Variants in ZNF236 observed in about 807,000 individuals in gnomAD.
The protein encoded by ZNF236 is regulated by glucose.
A neutral mutation model predicts 191.2 loss-of-function variants in ZNF236; 50 were observed. The ratio of observed to expected loss-of-function variants is 0.26; its 90% CI spans 0.21 to 0.33. ZNF236 has a LOEUF of 0.33. Ranked by LOEUF, ZNF236 falls within the 10% of genes least tolerant of loss-of-function variation. ZNF236 has a pLI of 1.00. For missense variants in ZNF236, 1,754 were observed against 2,374.5 expected (o/e 0.74, Z 5.43); for synonymous variants, 907 against 928.8 (o/e 0.98, Z 0.43).
chr18:76,917,579 A>G (rs1306991184), intron 19 of ZNF236, among the ~76,000 whole-genome samples: 1 of 152,180 alleles, frequency 6.6e-6, no homozygotes, highest in Non-Finnish European at 1.5e-5. Context: ...GCCCAAACCT[A>G]GAGACTTGGA....
At chr18:76,910,445 G>T (rs955545539) in intron 15 of ZNF236, among the ~76,000 whole-genome samples, 1 of 152,126 alleles carries the variant, frequency 6.6e-6, no homozygotes, top group Non-Finnish European at 1.5e-5. Flanking sequence ...GTGGTGGCTG[G>T]TCCTGTAAAG....
At chr18:76,954,655 GAC>G (rs1000641412) in intron 27 of ZNF236, among the ~76,000 whole-genome samples, 1 of 152,166 alleles carries the variant, frequency 6.6e-6, no homozygotes, top group Non-Finnish European at 1.5e-5. Flanking sequence ...CTCACCTGTA[GAC>G]ACACACCCGA....
At chr18:76,861,709 C>G (rs889279684) in intron 3 of ZNF236, among the ~76,000 whole-genome samples, 1 of 152,138 alleles carries the variant, frequency 6.6e-6, no homozygotes, top group African/African-American at 2.4e-5. Flanking sequence ...AAGGTTCCAG[C>G]CACAGTGGAG....
intron 25 of ZNF236, among the ~76,000 whole-genome samples, chr18:76,930,908 A>G (rs1967828585): frequency 6.6e-6 from 1 of 152,230 alleles, no homozygotes. Context: ...AAATACTGTC[A>G]TTTAGGGAAA....
intron 25 of ZNF236, among the ~76,000 whole-genome samples, chr18:76,933,947 C>T (rs1434495928): frequency 6.6e-6 from 1 of 152,128 alleles, no homozygotes; most frequent in Non-Finnish European, 1.5e-5. Context: ...CTTGAGGCCA[C>T]ACCACTAATA....
chr18:76,877,868 A>G, intron 6 of ZNF236, 141 bp from the exon 7 acceptor site: 1 of 592,554 alleles, frequency 1.7e-6, no homozygotes, highest in Non-Finnish European at 2.7e-6. Context: ...TATCTAATTT[A>G]AAAGAAAAAA....
Position 76,960,878 on chromosome 18 carries a change from T to C in ZNF236, c.5419+23T>C. The C allele has an allele frequency of 1.3e-6, 2 of 1,598,492 alleles. No homozygotes were observed. Among genetic ancestry groups the C allele is most frequent in the Non-Finnish European group, 1.7e-6 (2 of 1,170,244 alleles). Reference sequence around the variant, plus strand: ...CTGGTGAGAATGCTGCACCCGGGAGTGCGTGCTGTTCGGTGGCCTGCGAGG... The same window carrying C: ...CTGGTGAGAATGCTGCACCCGGGAGCGCGTGCTGTTCGGTGGCCTGCGAGG... On this transcript the variant is annotated intron_variant, in intron 30 of 30. Coordinates refer to ENST00000320610, the MANE Select transcript of ZNF236 (RefSeq NM_001306089.2). The surrounding 1 kb of genome is among the most constrained non-coding windows in gnomAD (Gnocchi z 4.4).
intron 1 of ZNF236, among the ~76,000 whole-genome samples, chr18:76,848,302 A>C (rs145699534): frequency 9.8e-4 from 149 of 152,288 alleles, no homozygotes; most frequent in African/African-American, 3.2e-3. Flanking sequence ...CTCTACTCCC[A>C]AGTTTCTGAA....
chr18:76,864,192 A>C (rs1199277855), intron 3 of ZNF236, among the ~76,000 whole-genome samples: 2 of 149,948 alleles, frequency 1.3e-5, no homozygotes, highest in East Asian at 3.9e-4. Context: ...CTTACAACAA[A>C]TATCTTTTTT....
chr18:76,957,339 AGTGG>A (rs1390143395), intron 28 of ZNF236, among the ~76,000 whole-genome samples: 1 of 152,050 alleles, frequency 6.6e-6, no homozygotes, highest in African/African-American at 2.4e-5. Flanking sequence ...ATTGCAGGCC[AGTGG>A]TGTCAGCAGT....
intron 3 of ZNF236, among the ~76,000 whole-genome samples, chr18:76,855,602 T>G (rs1733488336): frequency 6.6e-6 from 1 of 152,262 alleles, no homozygotes; most frequent in African/African-American, 2.4e-5. Context: ...ATGTGTATCA[T>G]AATTAGGAAG....
intron 1 of ZNF236, among the ~76,000 whole-genome samples, chr18:76,826,865 C>G (rs575804194): frequency 2.6e-5 from 4 of 151,140 alleles, no homozygotes; most frequent in Admixed American, 1.3e-4. Flanking sequence ...TTCATGTACA[C>G]TAATTCCTGT....
chr18:76,871,932 T>C (rs961435276), intron 5 of ZNF236, 107 bp downstream of exon 5: 105 of 1,381,696 alleles, frequency 7.6e-5, no homozygotes, highest in Non-Finnish European at 1.0e-4. Flanking sequence ...TCTCATAGTT[T>C]GCTGGATAAT....
chr18:76,927,968 G>A lies in ZNF236; in HGVS notation c.4456G>A (p.Val1486Met). 12 of 1,613,394 alleles carry A rather than the reference G, an allele frequency of 7.4e-6. No individual in the cohort carries two copies. The highest frequency in any genetic ancestry group is 1.0e-5 in the Non-Finnish European group (12 of 1,179,678). ...LTQVMTSQGL[V>M]SPSGGPHEIT... ...TCAAGTGATGACTTCGCAAGGTCTA[G>A]TGTCCCCCTCCGGCGGTCCCCACGA... Residue 1486 changes from valine (V) to methionine (M), a missense_variant, in exon 25 of 31, where the codon GTG (valine) becomes ATG (methionine). Around this residue, in one of 5 missense-constraint regions of ZNF236, gnomAD observed 606 missense variants for 761.5 expected, o/e 0.80. Transcript: ENST00000320610. The surrounding 1 kb of genome is among the most constrained non-coding windows in gnomAD (Gnocchi z 5.4).
chr18:76,829,963 C>T (rs957795083), intron 1 of ZNF236, among the ~76,000 whole-genome samples: 9 of 152,156 alleles, frequency 5.9e-5, no homozygotes, highest in South Asian at 2.1e-4. Flanking sequence ...CTCCGTCTCC[C>T]GGGTTCAAGT....
chr18:76,899,463 G>T (rs758626121), intron 11 of ZNF236, among the ~76,000 whole-genome samples: 35 of 152,232 alleles, frequency 2.3e-4, no homozygotes, highest in Non-Finnish European at 4.1e-4. Flanking sequence ...GACAAATAAT[G>T]TGTAAGTGAA....
chr18:76,878,727 TTAA>T (rs1272664265), intron 7 of ZNF236, among the ~76,000 whole-genome samples: 1 of 152,090 alleles, frequency 6.6e-6, no homozygotes. Flanking sequence ...TCTCAACAGA[TTAA>T]TAAATGGTAA....
At chr18:76,881,660 T>A (rs547424030) in intron 9 of ZNF236, 148 bp downstream of exon 9, 1 of 738,514 alleles carries the variant, frequency 1.4e-6, no homozygotes, top group Non-Finnish European at 2.2e-6. Flanking sequence ...TATTTAAAAT[T>A]AAAAAGAATG....
intron 1 of ZNF236, among the ~76,000 whole-genome samples, chr18:76,825,460 G>A (rs956360467): frequency 2.0e-5 from 3 of 151,978 alleles, no homozygotes; most frequent in Admixed American, 1.3e-4. Flanking sequence ...TGGTGGTGGC[G>A]GTGCCTAAGA....
Sources: allele counts gnomAD v4.1 joint callset (sites outside exome capture counted in the v4.1 genomes callset), GRCh38; gene constraint gnomAD v4.1.1; regional missense constraint gnomAD v4.1.1; non-coding constraint Gnocchi (gnomAD v3.1); transcripts MANE v1.5; gene names NCBI Gene and HGNC (gene_info 2026-07-23, HGNC 2026-07-21).